The following YEATS4 variants were observed in gnomAD, a reference collection of about 807,000 sequenced individuals.
The protein encoded by YEATS4 is YEATS domain containing 4.
In YEATS4, 17 loss-of-function variants were observed where a neutral mutation model predicts 30.1. The ratio of observed to expected loss-of-function variants is 0.56; its 90% confidence interval spans 0.39 to 0.85. The LOEUF is 0.85. YEATS4 is among the 40% of genes least tolerant of loss of function. YEATS4 has a pLI of 0.00. For missense variants in YEATS4, 142 were observed against 268.3 expected, an observed-to-expected ratio of 0.53 and a Z score of 3.29; for synonymous variants, 85 against 87.5, an observed-to-expected ratio of 0.97 and a Z score of 0.16.
intron 6 of YEATS4, among the ~76,000 whole-genome samples, chr12:69,378,244 G>A (rs933168903): frequency 2.6e-5 from 4 of 151,276 alleles, no homozygotes; most frequent in Admixed American, 1.3e-4. Context: ...TTCAGTCTAC[G>A]TGTGTCTTTA....
the YEATS4 span, among the ~76,000 whole-genome samples, chr12:69,400,675 C>T: frequency 3.3e-5 from 5 of 150,922 alleles, no homozygotes; most frequent in Admixed American, 6.6e-5. Flanking sequence ...TAGCAAGACC[C>T]CCCCGCCCAA....
intron 6 of YEATS4, among the ~76,000 whole-genome samples, chr12:69,374,765 C>G (rs143327195): frequency 0.027 from 4,103 of 152,068 alleles, 79 homozygotes; most frequent in Middle Eastern, 0.055. Context: ...AATGGAGTCT[C>G]CTATGTCTAC....
At chr12:69,383,964 A>G (rs1876177050) in intron 6 of YEATS4, among the ~76,000 whole-genome samples, 1 of 152,192 alleles carries the variant, frequency 6.6e-6, no homozygotes, top group African/African-American at 2.4e-5. Flanking sequence ...AGGGATGGTA[A>G]TGAAGTGGGG....
chr12:69,360,248 AAC>A (rs1875139703), intron 1 of YEATS4, among the ~76,000 whole-genome samples: 1 of 152,154 alleles, frequency 6.6e-6, no homozygotes, highest in East Asian at 1.9e-4. Flanking sequence ...CCAAAAAACA[AAC>A]AGATAAATGG....
At position 69,359,893 on chromosome 12, in the gene YEATS4, G is replaced by T. The variant is rs532530786; in HGVS notation, c.-80G>T. The T allele has an allele frequency of 1.3e-6, 2 of 1,571,194 alleles. No individual in the cohort carries two copies. Among genetic ancestry groups the T allele is most frequent in the East Asian group, 2.3e-5 (1 of 43,820 alleles). ...CTCCGCCTGGGCCCGCGCGACAGGA[G>T]CGCGGTCTCTGAGGGGAGCGGCGAC... On this transcript the variant is annotated 5_prime_UTR_variant, in exon 1 of 7. Transcript: ENST00000247843.
chr12:69,387,744 A>C (rs866040175), intron 6 of YEATS4, among the ~76,000 whole-genome samples: 2 of 152,210 alleles, frequency 1.3e-5, no homozygotes, highest in Non-Finnish European at 2.9e-5. Context: ...TATGCTTTGT[A>C]TATCAGCAGA....
intron 2 of YEATS4, among the ~76,000 whole-genome samples, chr12:69,363,510 A>C (rs1394579426): frequency 6.6e-6 from 1 of 152,244 alleles, no homozygotes; most frequent in Non-Finnish European, 1.5e-5. Context: ...TATCTAAGTT[A>C]ACATAGTATT....
At chr12:69,367,999 CT>C (rs1201764802) in intron 4 of YEATS4, among the ~76,000 whole-genome samples, 2 of 152,150 alleles carry the variant, frequency 1.3e-5, no homozygotes, top group Non-Finnish European at 2.9e-5. Context: ...TGAGACAGCT[CT>C]TGAAGTCACT....
the YEATS4 span, among the ~76,000 whole-genome samples, chr12:69,403,450 G>A: frequency 2.0e-5 from 3 of 151,836 alleles, no homozygotes; most frequent in Non-Finnish European, 4.4e-5. Flanking sequence ...GGTATCGCAC[G>A]CCTATAATCC....
intron 6 of YEATS4, among the ~76,000 whole-genome samples, chr12:69,378,209 C>T (rs1411914314): frequency 6.6e-6 from 1 of 151,804 alleles, no homozygotes; most frequent in Non-Finnish European, 1.5e-5. Flanking sequence ...CATTTGCATG[C>T]AATATCTTTT....
the YEATS4 span, among the ~76,000 whole-genome samples, chr12:69,412,234 C>A: frequency 6.6e-6 from 1 of 152,200 alleles, no homozygotes; most frequent in Non-Finnish European, 1.5e-5. Context: ...TTACTGTAAA[C>A]AACATGAGTT....
At chr12:69,360,187 G>A (rs1049393391) in intron 1 of YEATS4, among the ~76,000 whole-genome samples, 164 bp downstream of exon 1, 2 of 152,056 alleles carry the variant, frequency 1.3e-5, no homozygotes, top group Non-Finnish European at 2.9e-5. Context: ...GCGAAAAACC[G>A]GCGTTCATTG....
chr12:69,367,151 G>C (rs1875466863), intron 4 of YEATS4, among the ~76,000 whole-genome samples: 1 of 152,176 alleles, frequency 6.6e-6, no homozygotes, highest in African/African-American at 2.4e-5. Flanking sequence ...TCCTATTCAA[G>C]GTTGGGGTAG....
At chr12:69,363,061 C>T (rs1361844322) in intron 2 of YEATS4, 154 bp downstream of exon 2, 3 of 530,540 alleles carry the variant, frequency 5.7e-6, no homozygotes, top group Non-Finnish European at 7.8e-6. Context: ...GGCGCGATCT[C>T]AGCTCACTGC....
intron 3 of YEATS4, 30 bp from the exon 4 acceptor site, chr12:69,365,760 G>T (rs777380163): frequency 6.5e-6 from 10 of 1,537,402 alleles, no homozygotes; most frequent in Non-Finnish European, 8.7e-6. Flanking sequence ...AAACTAAACC[G>T]ATAATTTACT....
chr12:69,397,129 A>G, the YEATS4 span, among the ~76,000 whole-genome samples: 3 of 152,220 alleles, frequency 2.0e-5, no homozygotes, highest in Non-Finnish European at 4.4e-5. Flanking sequence ...TAAAAAGGAT[A>G]ATAAGTCCCA....
chr12:69,384,592 C>A (rs1402273468), intron 6 of YEATS4, among the ~76,000 whole-genome samples: 7 of 152,084 alleles, frequency 4.6e-5, no homozygotes, highest in Admixed American at 1.3e-4. Flanking sequence ...AAAACAAATT[C>A]CAGTTTAGTT....
At chr12:69,369,018 A>G (rs1193788684) in intron 4 of YEATS4, among the ~76,000 whole-genome samples, 2 of 152,232 alleles carry the variant, frequency 1.3e-5, no homozygotes, top group Non-Finnish European at 2.9e-5. Flanking sequence ...ATTTGAGATC[A>G]GGAATTCAAG....
chr12:69,371,114 A>G (rs1306345063), intron 6 of YEATS4, 139 bp downstream of exon 6: 2 of 745,406 alleles, frequency 2.7e-6, no homozygotes, highest in African/African-American at 1.8e-5. Flanking sequence ...TTTGTATTAC[A>G]GTGGAACATG....
Sources: gnomAD v4.1 joint callset for allele counts (sites outside exome capture counted in the v4.1 genomes callset) on GRCh38, gnomAD v4.1.1 for gene constraint, MANE v1.5 for transcripts, NCBI Gene and HGNC (gene_info 2026-07-23, HGNC 2026-07-21) for gene names.